Variants in MICU3 observed in about 807,000 individuals in gnomAD.
MICU3 encodes the protein mitochondrial calcium uptake 3.
A neutral mutation model predicts 66.5 loss-of-function variants in MICU3; 62 were observed. The ratio of observed to expected loss-of-function variants is 0.93; its 90% confidence interval spans 0.76 to 1.15. MICU3 has a LOEUF of 1.15. Ranked by LOEUF, MICU3 falls within the 50% of genes most tolerant of loss-of-function variation. The pLI, the probability that MICU3 is intolerant of heterozygous loss-of-function variation, is 0.00. For missense variants in MICU3, 779 were observed against 664.4 expected (o/e 1.17, Z -1.90); for synonymous variants, 308 against 240.7 (o/e 1.28, Z -2.59).
chr8:17,067,483 G>A lies in MICU3; in HGVS notation c.536-2205G>A, dbSNP rs1011467289. ...CTCGCTCTGTCAACTAGGCTGGACC[G>A]CAATGGGGTGATCTCAGCTCACTGC... is the stretch of plus-strand genomic sequence containing the variant. On this transcript the variant is annotated intron_variant, in intron 2 of 14. Coordinates refer to ENST00000318063, the MANE Select transcript of MICU3 (RefSeq NM_181723.3). Among the ~76,000 whole-genome samples the A allele has an allele frequency of 5.9e-5, 9 of 151,484 alleles. 1 individual carries two copies. The highest frequency in any genetic ancestry group is 3.9e-4 in the East Asian group (2 of 5,138).
At chr8:17,048,129 T>C (rs1815403460) in intron 1 of MICU3, among the ~76,000 whole-genome samples, 1 of 152,202 alleles carries the variant, frequency 6.6e-6, no homozygotes, top group African/African-American at 2.4e-5. Flanking sequence ...TAGAGGAATA[T>C]ATATGTTTCG....
At chr8:17,124,789 A>G (rs1375049887), downstream of MICU3, among the ~76,000 whole-genome samples, 3 of 151,980 alleles carry the variant, frequency 2.0e-5, no homozygotes, top group Non-Finnish European at 4.4e-5. Flanking sequence ...CTTTTCCCTC[A>G]GAATTCTGAA....
intron 9 of MICU3, among the ~76,000 whole-genome samples, chr8:17,098,893 A>T (rs1801007946): frequency 6.6e-6 from 1 of 151,724 alleles, no homozygotes; most frequent in Non-Finnish European, 1.5e-5. Flanking sequence ...CTGACTCTTC[A>T]GAGTTATGTT....
intron 8 of MICU3, among the ~76,000 whole-genome samples, chr8:17,094,686 A>G (rs3915063): frequency 0.011 from 1,678 of 152,060 alleles, 19 homozygotes; most frequent in African/African-American, 0.038. Context: ...CTGAATAACC[A>G]TGGTTTGTCT....
In MICU3 at chr8:17,121,104, C is replaced by T. The variant is rs560221142; in HGVS notation, c.*817C>T. ...TTATCTTCTTAAACATGAAGCTGCT[C>T]CTGATCATAGGTGGTACACGTTAAT... On this transcript the variant is annotated 3_prime_UTR_variant, in exon 15 of 15. Coordinates refer to ENST00000318063, the MANE Select transcript of MICU3 (RefSeq NM_181723.3). 1 of 151,944 alleles carries T rather than the reference C, an allele frequency of 6.6e-6. No homozygotes were observed. The highest frequency in any genetic ancestry group is 2.1e-4 in the South Asian group (1 of 4,816). The allele number at this position is 151,944 out of a possible 1,614,324, so 9.4% of individuals were successfully genotyped here.
rs1818319230 is a variant in MICU3, at chr8:17,064,178, G to GTAACTTCTATA, written c.476_477insTAACTTCTATA (p.Gln160AsnfsTer8). 6.2e-7 allele frequency: 1 copy of GTAACTTCTATA among 1,612,802 alleles called. No individual in the cohort carries two copies. Among genetic ancestry groups the GTAACTTCTATA allele is most frequent in the African/African-American group, 1.3e-5 (1 of 74,850 alleles). On this transcript the variant is annotated frameshift_variant, in exon 2 of 15. Transcript: ENST00000318063. LOFTEE classifies it high-confidence loss of function. Reference sequence around the variant, plus strand: ...TTATTTGCTTCTATAGAATGTGAAGGGCAGTTATTCATGACTCCGTATGAT... The same window carrying GTAACTTCTATA: ...TTATTTGCTTCTATAGAATGTGAAGGTAACTTCTATAGCAGTTATTCATGACTCCGTATGAT...
chr8:17,107,582 C>G (rs768771025), intron 11 of MICU3, among the ~76,000 whole-genome samples: 15 of 152,028 alleles, frequency 9.9e-5, no homozygotes, highest in Admixed American at 9.2e-4. Context: ...AGTCAGCAAA[C>G]TACTGCACCT....
chr8:17,081,890 A>G (rs1821242663), intron 5 of MICU3, 150 bp downstream of exon 5: 1 of 530,492 alleles, frequency 1.9e-6, no homozygotes, highest in African/African-American at 2.0e-5. Flanking sequence ...AATGCTAAGC[A>G]TAGCACTGTA....
the MICU3 span, among the ~76,000 whole-genome samples, chr8:17,138,000 C>G: frequency 1.3e-5 from 2 of 151,966 alleles, no homozygotes; most frequent in African/African-American, 2.4e-5. Context: ...CAGGCATGAA[C>G]CACCATGCCC....
intron 13 of MICU3, among the ~76,000 whole-genome samples, chr8:17,117,302 A>G (rs1317286145): frequency 2.6e-5 from 4 of 152,198 alleles, no homozygotes; most frequent in Admixed American, 2.0e-4. Flanking sequence ...TAGATGACAC[A>G]GATTTCCTCT....
the MICU3 span, among the ~76,000 whole-genome samples, chr8:17,137,521 T>TA: frequency 5.6e-4 from 76 of 134,598 alleles, 1 homozygote; most frequent in East Asian, 4.0e-3. Flanking sequence ...TGCTTTTTTT[T>TA]AAAAAAAAAA....
chr8:17,128,229 T>TACACACACACACACAC, the MICU3 span, among the ~76,000 whole-genome samples: 2 of 144,546 alleles, frequency 1.4e-5, no homozygotes, highest in African/African-American at 2.5e-5. Context: ...GAGATCAGTG[T>TACACACACACACACAC]ACACACACAC....
the MICU3 span, chr8:17,134,327 A>G: frequency 0.69 from 104,678 of 152,466 alleles, 36,522 homozygotes; most frequent in African/African-American, 0.8. Flanking sequence ...CAATGGTGTA[A>G]TTCTAGTCCA....
intron 8 of MICU3, among the ~76,000 whole-genome samples, chr8:17,096,719 C>T (rs758069720): frequency 1.3e-5 from 2 of 151,836 alleles, no homozygotes; most frequent in Admixed American, 1.3e-4. Flanking sequence ...TGCAGCAGGA[C>T]ACTTGTAAAA....
At chr8:17,047,610 T>C (rs1563289213) in intron 1 of MICU3, among the ~76,000 whole-genome samples, 1 of 152,222 alleles carries the variant, frequency 6.6e-6, no homozygotes, top group Non-Finnish European at 1.5e-5. Context: ...GGGACTGCAG[T>C]TGACCTGATT....
chr8:17,117,908 C>A (rs567235321), intron 13 of MICU3, among the ~76,000 whole-genome samples: 3 of 152,282 alleles, frequency 2.0e-5, no homozygotes, highest in East Asian at 3.9e-4. Context: ...CGTACCCGGC[C>A]AGTATTATAC....
intron 5 of MICU3, among the ~76,000 whole-genome samples, chr8:17,082,476 T>C (rs1821332034): frequency 6.6e-6 from 1 of 152,192 alleles, no homozygotes; most frequent in Non-Finnish European, 1.5e-5. Context: ...TTGCATATTC[T>C]TCATATCAGA....
intron 2 of MICU3, among the ~76,000 whole-genome samples, chr8:17,066,442 A>C (rs928671619): frequency 5.3e-5 from 8 of 149,550 alleles, no homozygotes; most frequent in African/African-American, 2.0e-4. Flanking sequence ...TTAGATGCTA[A>C]ATGGTATTTT....
chr8:17,107,062 G>A (rs940139596), intron 11 of MICU3, among the ~76,000 whole-genome samples: 2 of 152,046 alleles, frequency 1.3e-5, no homozygotes, highest in Non-Finnish European at 2.9e-5. Context: ...TATTTATTGA[G>A]CATCTACTAT....
Sources: allele counts gnomAD v4.1 joint callset (sites outside exome capture counted in the v4.1 genomes callset), GRCh38; gene constraint gnomAD v4.1.1; transcripts MANE v1.5; gene names NCBI Gene and HGNC (gene_info 2026-07-23, HGNC 2026-07-21).